Variants in FILIP1L observed in about 807,000 individuals in gnomAD.
FILIP1L encodes the protein filamin A interacting protein 1 like.
In FILIP1L, 55 loss-of-function variants were observed where a neutral mutation model predicts 96.6. That is an observed-to-expected ratio of 0.57 (90% CI 0.46 to 0.71). FILIP1L has a LOEUF of 0.71. Ranked by LOEUF, FILIP1L falls within the 30% of genes least tolerant of loss-of-function variation. The pLI is 0.00. For synonymous variants in FILIP1L, 467 were observed against 473.9 expected, an observed-to-expected ratio of 0.99 and a Z score of 0.19; for missense variants, 1,304 against 1,321.2, an observed-to-expected ratio of 0.99 and a Z score of 0.20.
chr3:99,876,467 T>A (rs953371708), intron 4 of FILIP1L, among the ~76,000 whole-genome samples: 2 of 152,196 alleles, frequency 1.3e-5, no homozygotes, highest in Admixed American at 6.5e-5. Flanking sequence ...GCTTGTAACT[T>A]TTTTCCCTCT....
chr3:99,940,899 C>G (rs1707830986), intron 1 of FILIP1L, among the ~76,000 whole-genome samples: 1 of 152,210 alleles, frequency 6.6e-6, no homozygotes. Context: ...ATCTAAGGAA[C>G]TGTGACTAGA....
chr3:100,078,711 C>T (rs1295767848), intron 1 of FILIP1L, among the ~76,000 whole-genome samples: 1 of 151,952 alleles, frequency 6.6e-6, no homozygotes, highest in Non-Finnish European at 1.5e-5. Flanking sequence ...GCCAACACGG[C>T]GAAACCCCAT....
At chr3:99,922,624 G>A (rs1371107981) in intron 4 of FILIP1L, among the ~76,000 whole-genome samples, 2 of 152,162 alleles carry the variant, frequency 1.3e-5, no homozygotes, top group Non-Finnish European at 2.9e-5. Flanking sequence ...TGAATTGGAA[G>A]TAGTTGAATA....
At chr3:99,983,375 A>AAAATAAATAAAT (rs201845792) in intron 1 of FILIP1L, among the ~76,000 whole-genome samples, 13 of 51,282 alleles carry the variant, frequency 2.5e-4, no homozygotes, top group African/African-American at 8.5e-4. Flanking sequence ...CTCTACTTAA[A>AAAATAAATAAAT]AAATAAATAA....
chr3:99,929,769 G>T, intron 3 of FILIP1L, 87 bp downstream of exon 3: 3 of 944,336 alleles, frequency 3.2e-6, no homozygotes, highest in Non-Finnish European at 3.1e-6. Flanking sequence ...AAACTGTAAG[G>T]AATCAAAGAG....
intron 1 of FILIP1L, among the ~76,000 whole-genome samples, chr3:99,983,464 G>GTATATATATA (rs1191587665): frequency 7.1e-4 from 9 of 12,672 alleles, no homozygotes; most frequent in Non-Finnish European, 1.3e-3. Flanking sequence ...ATATATGTGT[G>GTATATATATA]TATATATATA....
At chr3:100,021,946 T>A (rs1040357968) in intron 1 of FILIP1L, among the ~76,000 whole-genome samples, 2 of 129,406 alleles carry the variant, frequency 1.5e-5, no homozygotes, top group African/African-American at 5.7e-5. Context: ...TGTGTGTGTG[T>A]GTGTGTGTGT....
chr3:100,022,913 T>C (rs191086809), intron 1 of FILIP1L, among the ~76,000 whole-genome samples: 3 of 152,312 alleles, frequency 2.0e-5, no homozygotes, highest in Non-Finnish European at 4.4e-5. Flanking sequence ...TACACTACAT[T>C]TGGCTGAAGA....
intron 1 of FILIP1L, among the ~76,000 whole-genome samples, chr3:99,937,485 T>C (rs564486277): frequency 1.3e-5 from 2 of 152,350 alleles, no homozygotes; most frequent in African/African-American, 4.8e-5. Context: ...AGTATGAGAT[T>C]GTGGAATCAA....
intron 4 of FILIP1L, among the ~76,000 whole-genome samples, chr3:99,861,588 T>C (rs1004440392): frequency 1.3e-5 from 2 of 152,182 alleles, no homozygotes; most frequent in Admixed American, 6.5e-5. Flanking sequence ...TTCTTCTGTA[T>C]CTTGTCTGTT....
intron 4 of FILIP1L, among the ~76,000 whole-genome samples, chr3:99,855,704 A>T (rs1276822262): frequency 6.6e-6 from 1 of 152,206 alleles, no homozygotes; most frequent in African/African-American, 2.4e-5. Context: ...TATTCTTTTT[A>T]AAAAGTGTGT....
intron 1 of FILIP1L, among the ~76,000 whole-genome samples, chr3:99,988,351 A>C (rs1309392595): frequency 3.3e-5 from 5 of 149,880 alleles, no homozygotes; most frequent in South Asian, 2.1e-4. Flanking sequence ...CAAAAAAAAA[A>C]AAAAAAAAAA....
At chr3:99,975,761 A>G (rs1354626978) in intron 1 of FILIP1L, among the ~76,000 whole-genome samples, 1 of 152,220 alleles carries the variant, frequency 6.6e-6, no homozygotes, top group Admixed American at 6.5e-5. Flanking sequence ...TCATTCTAAT[A>G]GTGACATTCT....
chr3:99,994,558 G>T (rs1215832998), intron 1 of FILIP1L, among the ~76,000 whole-genome samples: 1 of 152,116 alleles, frequency 6.6e-6, no homozygotes, highest in African/African-American at 2.4e-5. Flanking sequence ...ATGGAAAAAG[G>T]CTAGAAATCA....
intron 1 of FILIP1L, among the ~76,000 whole-genome samples, chr3:100,070,137 G>T (rs1453269634): frequency 6.6e-6 from 1 of 152,218 alleles, no homozygotes; most frequent in Non-Finnish European, 1.5e-5. Context: ...CAGCTAACAT[G>T]AAGTGCTCTG....
chr3:100,044,461 A>T (rs1450803153), intron 1 of FILIP1L, among the ~76,000 whole-genome samples: 1 of 152,214 alleles, frequency 6.6e-6, no homozygotes, highest in Non-Finnish European at 1.5e-5. Context: ...AGCCAAACAG[A>T]GTATACAAGA....
At chr3:99,866,229 A>G (rs1576528787) in intron 4 of FILIP1L, among the ~76,000 whole-genome samples, 1 of 151,538 alleles carries the variant, frequency 6.6e-6, no homozygotes, top group Non-Finnish European at 1.5e-5. Flanking sequence ...ATTGTTGTTC[A>G]GTTCACCACA....
chr3:99,912,521 G>A (rs1340468052), intron 4 of FILIP1L, among the ~76,000 whole-genome samples: 4 of 152,278 alleles, frequency 2.6e-5, no homozygotes, highest in South Asian at 2.1e-4. Flanking sequence ...GGGACTGCAG[G>A]TGCATGCCAG....
At chr3:99,875,655 T>C (rs1002662905) in intron 4 of FILIP1L, among the ~76,000 whole-genome samples, 1 of 152,080 alleles carries the variant, frequency 6.6e-6, no homozygotes, top group African/African-American at 2.4e-5. Flanking sequence ...GGGGAAAACC[T>C]GGCACTAACA....
Sources: allele counts gnomAD v4.1 joint callset (sites outside exome capture counted in the v4.1 genomes callset), GRCh38; gene constraint gnomAD v4.1.1; transcripts MANE v1.5; gene names NCBI Gene and HGNC (gene_info 2026-07-23, HGNC 2026-07-21).